The following STXBP4 variants were observed in gnomAD, a reference collection of about 807,000 sequenced individuals.
STXBP4 encodes syntaxin-binding protein 4.
Under a neutral mutation model 76.1 loss-of-function variants are expected in STXBP4, and 55 were observed. The observed-to-expected ratio is 0.72, with a 90% confidence interval of 0.58 to 0.91. STXBP4 has a LOEUF of 0.91. Among genes scored for constraint, STXBP4 ranks in the 40% least tolerant of loss-of-function variants. STXBP4 has a pLI of 0.00. For missense variants in STXBP4, 618 were observed against 636.9 expected, an observed-to-expected ratio of 0.97 and a Z score of 0.32; for synonymous variants, 201 against 220.2, an observed-to-expected ratio of 0.91 and a Z score of 0.77.
chr17:55,024,481 G>A (rs912677368), intron 8 of STXBP4, among the ~76,000 whole-genome samples: 2 of 152,204 alleles, frequency 1.3e-5, no homozygotes, highest in African/African-American at 4.8e-5. Context: ...TGATGGTGGA[G>A]GCTTTGACAG....
At chr17:55,100,653 A>C (rs2079552345) in intron 16 of STXBP4, among the ~76,000 whole-genome samples, 3 of 152,310 alleles carry the variant, frequency 2.0e-5, no homozygotes, top group Middle Eastern at 3.4e-3. Context: ...AAGGTAATAT[A>C]AAGGGGAAGA....
Position 55,072,849 on chromosome 17 carries a change from G to T in STXBP4, c.1012-51G>T, listed in dbSNP as rs367608493. 34 of 1,483,950 alleles carry T rather than the reference G, an allele frequency of 2.3e-5. 1 individual carries two copies. In the South Asian group the frequency reaches 4.3e-4, roughly 19 times the overall value. The allele number at this position is 1,483,950 out of a possible 1,614,324, so 91.9% of individuals were successfully genotyped here. On this transcript the variant is annotated intron_variant, in intron 12 of 17. Coordinates refer to ENST00000376352, the MANE Select transcript of STXBP4 (RefSeq NM_178509.6). The stretch of plus-strand genomic sequence containing the variant: ...AAGGAAAATATTTTGTATAAACCTC[G>T]GAACTATTTCTTATGTATTTTTTAA...
intron 16 of STXBP4, among the ~76,000 whole-genome samples, 174 bp from the exon 17 acceptor site, chr17:55,141,136 A>G (rs1567779655): frequency 6.6e-6 from 1 of 152,200 alleles, no homozygotes; most frequent in Admixed American, 6.5e-5. Context: ...ATTGTGTTCT[A>G]AAGATGCTGA....
chr17:55,000,938 G>A, intron 7 of STXBP4, 55 bp downstream of exon 7: 1 of 1,217,350 alleles, frequency 8.2e-7, no homozygotes, highest in Non-Finnish European at 1.2e-6. Context: ...CTCTCTCAAT[G>A]AGGAGTGTGT....
At position 55,166,175 on chromosome 17, in the gene STXBP4, G is replaced by A. The variant is rs1024576867; in HGVS notation, c.*6264G>A. Reference sequence around the variant, plus strand: ...TGTCTCTGCTTCTTCCTTAGGCAGCGATTTACCTAATTGGTGAGTTTAGGA... The same window carrying A: ...TGTCTCTGCTTCTTCCTTAGGCAGCAATTTACCTAATTGGTGAGTTTAGGA... On this transcript the variant is annotated 3_prime_UTR_variant, in exon 18 of 18. Transcript: ENST00000376352. The A allele has an allele frequency of 3.9e-5, 6 of 152,074 alleles. No homozygotes were observed. Among genetic ancestry groups the A allele is most frequent in the Non-Finnish European group, 1.5e-5 (1 of 68,014 alleles). 9.4% of individuals were successfully genotyped at this position (152,074 alleles called of 1,614,324 possible). A position where few individuals can be genotyped will look rare whatever the true frequency, so the allele number is the denominator to read the frequency against.
intron 7 of STXBP4, among the ~76,000 whole-genome samples, chr17:55,006,009 ATATG>A (rs1364721861): frequency 6.6e-6 from 1 of 152,090 alleles, no homozygotes; most frequent in African/African-American, 2.4e-5. Context: ...ATATATGTAT[ATATG>A]TATATGTGTG....
intron 1 of STXBP4, among the ~76,000 whole-genome samples, chr17:54,969,385 A>G (rs775011873): frequency 2.6e-5 from 4 of 152,160 alleles, no homozygotes; most frequent in Non-Finnish European, 5.9e-5. Context: ...AGCGGATTTT[A>G]CTGTGTTAGA....
intron 8 of STXBP4, among the ~76,000 whole-genome samples, chr17:55,018,983 C>A (rs1408222628): frequency 6.6e-6 from 1 of 152,116 alleles, no homozygotes; most frequent in East Asian, 1.9e-4. Context: ...ATTTTTGCTT[C>A]TGTGTTTTCA....
At chr17:55,185,253 TTCTC>T in the STXBP4 span, among the ~76,000 whole-genome samples, 25 of 48,520 alleles carry the variant, frequency 5.2e-4, no homozygotes, top group South Asian at 1.7e-3. Context: ...CTTCTTCTCC[TTCTC>T]CTTCTCCTTC....
At chr17:55,186,652 C>T in the STXBP4 span, among the ~76,000 whole-genome samples, 2 of 152,122 alleles carry the variant, frequency 1.3e-5, no homozygotes, top group Admixed American at 1.3e-4. Flanking sequence ...AATAAAATGA[C>T]AAAATCATTT....
chr17:54,970,505 A>G (rs1376896531), intron 1 of STXBP4, among the ~76,000 whole-genome samples: 1 of 152,240 alleles, frequency 6.6e-6, no homozygotes, highest in African/African-American at 2.4e-5. Context: ...ATACTCTGGC[A>G]TACTGTCTCA....
the STXBP4 span, among the ~76,000 whole-genome samples, chr17:55,209,737 A>T: frequency 6.6e-6 from 1 of 152,180 alleles, no homozygotes; most frequent in African/African-American, 2.4e-5. Flanking sequence ...AGGGGACTTC[A>T]TGTCATTGTT....
chr17:55,106,912 C>G (rs2079641921), intron 16 of STXBP4, among the ~76,000 whole-genome samples: 1 of 152,146 alleles, frequency 6.6e-6, no homozygotes, highest in Non-Finnish European at 1.5e-5. Flanking sequence ...AATTATGTGT[C>G]TTGGGGTTGC....
the STXBP4 span, among the ~76,000 whole-genome samples, chr17:55,181,909 CT>C: frequency 6.6e-6 from 1 of 152,060 alleles, no homozygotes; most frequent in African/African-American, 2.4e-5. Flanking sequence ...ACTGATAAAT[CT>C]TTGGAACTTT....
intron 8 of STXBP4, among the ~76,000 whole-genome samples, chr17:55,011,117 T>C (rs553562870): frequency 6.6e-6 from 1 of 152,336 alleles, no homozygotes; most frequent in East Asian, 1.9e-4. Flanking sequence ...CATTTATTAC[T>C]AAGCTTAGCT....
At chr17:54,989,379 G>C (rs538963662) in intron 3 of STXBP4, among the ~76,000 whole-genome samples, 8 of 152,218 alleles carry the variant, frequency 5.3e-5, no homozygotes, top group African/African-American at 1.9e-4. Context: ...ATAGGCATGA[G>C]CCACCATGCC....
chr17:55,154,217 G>A (rs994377248), intron 17 of STXBP4, among the ~76,000 whole-genome samples: 1 of 152,080 alleles, frequency 6.6e-6, no homozygotes, highest in African/African-American at 2.4e-5. Context: ...AGTAGAGAAG[G>A]CACTCCAGCT....
chr17:55,122,170 C>T (rs936083335), intron 16 of STXBP4, among the ~76,000 whole-genome samples: 43 of 152,176 alleles, frequency 2.8e-4, no homozygotes, highest in Non-Finnish European at 8.8e-5. Context: ...CATAAATCCT[C>T]AACAAACCGT....
the STXBP4 span, among the ~76,000 whole-genome samples, chr17:55,190,872 C>T: frequency 6.6e-6 from 1 of 152,184 alleles, no homozygotes; most frequent in African/African-American, 2.4e-5. Context: ...AAAATACACA[C>T]TTCATCTGCT....
Sources: allele counts gnomAD v4.1 joint callset (sites outside exome capture counted in the v4.1 genomes callset), GRCh38; gene constraint gnomAD v4.1.1; transcripts MANE v1.5; gene names NCBI Gene and HGNC (gene_info 2026-07-23, HGNC 2026-07-21).